CYRIB: variants seen among roughly 807,000 people sequenced by gnomAD.
CYRIB encodes CYFIP related Rac1 interactor B, also known as CYFIP-related Rac1 interactor B.
CYRIB carries 8 observed loss-of-function variants against 44.2 expected under a neutral mutation model. The ratio of observed to expected loss-of-function variants is 0.18; its 90% CI spans 0.11 to 0.33. The LOEUF is 0.33. Among genes scored for constraint, CYRIB ranks in the 10% least tolerant of loss-of-function variants. The probability of loss-of-function intolerance (pLI) is 1.00; values close to 1 mark genes in which losing one functional copy is unlikely to be tolerated. For synonymous variants in CYRIB, 131 were observed against 127.2 expected, an observed-to-expected ratio of 1.03 and a Z score of -0.20; for missense variants, 185 against 382.8, an observed-to-expected ratio of 0.48 and a Z score of 4.31.
chr8:129,877,331 C>T (rs1186164694), intron 3 of CYRIB, among the ~76,000 whole-genome samples: 2 of 152,082 alleles, frequency 1.3e-5, no homozygotes, highest in African/African-American at 4.8e-5. Flanking sequence ...GCAATTTTTA[C>T]CTTTTCCTGT....
At chr8:129,938,042 C>T (rs1293620349) in intron 1 of CYRIB, among the ~76,000 whole-genome samples, 2 of 151,928 alleles carry the variant, frequency 1.3e-5, no homozygotes, top group African/African-American at 4.8e-5. Context: ...ACAGCAATAG[C>T]ACCATCATAA....
At chr8:129,870,233 G>A (rs756867265) in intron 4 of CYRIB, among the ~76,000 whole-genome samples, 4 of 152,064 alleles carry the variant, frequency 2.6e-5, no homozygotes, top group South Asian at 2.1e-4. Context: ...GACCAGCCTC[G>A]GCAACATGGC....
At chr8:129,969,966 C>T (rs1378740548) in intron 2 of CYRIB, among the ~76,000 whole-genome samples, 1 of 152,084 alleles carries the variant, frequency 6.6e-6, no homozygotes, top group Non-Finnish European at 1.5e-5. Flanking sequence ...TTGGATACGG[C>T]CAAGGTGGAA....
intron 3 of CYRIB, among the ~76,000 whole-genome samples, chr8:129,874,873 CAAGT>C: frequency 6.6e-6 from 1 of 152,064 alleles, no homozygotes; most frequent in Non-Finnish European, 1.5e-5. Flanking sequence ...AAGGGGGAAA[CAAGT>C]AACACAAAGG....
At chr8:129,958,545 T>C (rs1362883435) in intron 2 of CYRIB, among the ~76,000 whole-genome samples, 3 of 152,102 alleles carry the variant, frequency 2.0e-5, no homozygotes, top group Non-Finnish European at 4.4e-5. Flanking sequence ...TTGTATACAA[T>C]TACATAATAG....
chr8:129,866,912 C>T (rs990039023), intron 4 of CYRIB, among the ~76,000 whole-genome samples: 4 of 152,226 alleles, frequency 2.6e-5, no homozygotes, highest in African/African-American at 9.6e-5. Context: ...TGGGTCAACA[C>T]CCATTATAGC....
chr8:129,935,186 A>T (rs1346871985), intron 1 of CYRIB, among the ~76,000 whole-genome samples: 5 of 152,208 alleles, frequency 3.3e-5, no homozygotes, highest in African/African-American at 9.7e-5. Flanking sequence ...TTTCTTTCTT[A>T]GCAAGTGTTT....
intron 1 of CYRIB, among the ~76,000 whole-genome samples, chr8:129,928,457 A>G (rs1233109428): frequency 1.3e-5 from 2 of 152,138 alleles, no homozygotes; most frequent in South Asian, 2.1e-4. Flanking sequence ...TAAGAAGACA[A>G]CCCAATTAAA....
chr8:129,933,055 G>A (rs570492854), intron 1 of CYRIB, among the ~76,000 whole-genome samples: 1 of 152,282 alleles, frequency 6.6e-6, no homozygotes, highest in East Asian at 1.9e-4. Context: ...CACATGAAAG[G>A]CTGTGGCTGT....
chr8:129,947,159 A>C lies in CYRIB; in HGVS notation c.-243+23784T>G, dbSNP rs576790796. 4.6e-4 allele frequency among the ~76,000 whole-genome samples: 70 copies of C among 152,070 alleles called. No individual in the cohort carries two copies. The South Asian group carries it at 0.01, about 22-fold the overall frequency. On this transcript the variant is annotated intron_variant, in intron 2 of 14. Coordinates refer to the CYRIB transcript ENST00000401979. ...TGCAACCTCCACCTCCCAGGTTCAA[A>C]TGATTCTCCTGCCTCAGCCTCCCAA...
At chr8:129,905,201 GGATT>G (rs3077898) in intron 1 of CYRIB, among the ~76,000 whole-genome samples, 258 of 150,502 alleles carry the variant, frequency 1.7e-3, no homozygotes, top group South Asian at 0.011. Flanking sequence ...CACCCAGGCT[GGATT>G]GATTGATTGA....
intron 7 of CYRIB, among the ~76,000 whole-genome samples, chr8:129,852,525 G>T (rs1427293706): frequency 1.3e-5 from 2 of 152,084 alleles, no homozygotes; most frequent in East Asian, 3.8e-4. Flanking sequence ...ACATACAAGA[G>T]ATTCTAAATG....
chr8:130,009,484 T>G (rs1392040671), intron 1 of CYRIB, among the ~76,000 whole-genome samples: 2 of 152,106 alleles, frequency 1.3e-5, no homozygotes, highest in Non-Finnish European at 2.9e-5. Context: ...GCCAGGCTGG[T>G]CTTGAACTCC....
chr8:129,941,575 G>C (rs191581376), upstream of CYRIB, among the ~76,000 whole-genome samples: 1 of 151,994 alleles, frequency 6.6e-6, no homozygotes, highest in Non-Finnish European at 1.5e-5. Context: ...CCCCCAGCTG[G>C]AGATGATGTT....
chr8:130,000,038 C>T (rs1469870493), intron 1 of CYRIB, among the ~76,000 whole-genome samples: 1 of 152,140 alleles, frequency 6.6e-6, no homozygotes, highest in Non-Finnish European at 1.5e-5. Flanking sequence ...TCCTCTGACC[C>T]TCGAAACTGT....
At chr8:129,854,220 C>T (rs745853375) in intron 7 of CYRIB, 46 bp downstream of exon 9, 7 of 1,326,766 alleles carry the variant, frequency 5.3e-6, no homozygotes. Flanking sequence ...ACAGGCTGAG[C>T]ACTAAGTTAC....
At chr8:129,930,359 A>G in intron 1 of CYRIB, among the ~76,000 whole-genome samples, 1 of 124,768 alleles carries the variant, frequency 8.0e-6, no homozygotes, top group Non-Finnish European at 1.7e-5. Context: ...AAGAATTGTG[A>G]AGTGCTTATA....
At chr8:129,903,963 G>A (rs1468120826) in intron 1 of CYRIB, among the ~76,000 whole-genome samples, 1 of 152,070 alleles carries the variant, frequency 6.6e-6, no homozygotes, top group Admixed American at 6.5e-5. Flanking sequence ...ATTTTGCTCA[G>A]GCTGGTCTCC....
At chr8:129,857,818 A>G (rs1281447449) in intron 5 of CYRIB, among the ~76,000 whole-genome samples, 5 of 152,216 alleles carry the variant, frequency 3.3e-5, no homozygotes, top group African/African-American at 1.2e-4. Context: ...GAACAGAAAA[A>G]AACATTTTTA....
Sources: allele counts gnomAD v4.1 joint callset (sites outside exome capture counted in the v4.1 genomes callset), GRCh38; gene constraint gnomAD v4.1.1; transcripts MANE v1.5; gene names NCBI Gene and HGNC (gene_info 2026-07-23, HGNC 2026-07-21).